Variants in PRDM16 observed in about 807,000 individuals in gnomAD.
PRDM16 encodes histone-lysine N-methyltransferase PRDM16.
A neutral mutation model predicts 110.6 loss-of-function variants in PRDM16; 23 were observed. That is an observed-to-expected ratio of 0.21 (90% CI 0.15 to 0.29). The LOEUF (loss-of-function observed/expected upper bound fraction) is 0.29. Ranked by LOEUF, PRDM16 falls within the 10% of genes least tolerant of loss-of-function variation. The pLI is 1.00. For missense variants in PRDM16, 1,615 were observed against 1,794.3 expected, an observed-to-expected ratio of 0.90 and a Z score of 1.81; for synonymous variants, 799 against 781.8, an observed-to-expected ratio of 1.02 and a Z score of -0.37.
intron 3 of PRDM16, among the ~76,000 whole-genome samples, chr1:3,250,163 T>TG (rs1639895724): frequency 7.5e-6 from 1 of 133,708 alleles, no homozygotes; most frequent in Non-Finnish European, 1.6e-5. Flanking sequence ...TCACAACTGT[T>TG]GCGGCTTGTC....
chr1:3,279,549 C>T (rs777428901), intron 3 of PRDM16, among the ~76,000 whole-genome samples: 1 of 152,250 alleles, frequency 6.6e-6, no homozygotes, highest in Admixed American at 6.5e-5. Flanking sequence ...CCCCTTGTGA[C>T]TGGGCTCTCT....
At chr1:3,162,950 T>C (rs112774773) in intron 1 of PRDM16, among the ~76,000 whole-genome samples, 195 of 93,000 alleles carry the variant, frequency 2.1e-3, no homozygotes, top group African/African-American at 8.5e-3. Context: ...CAGAAGCCCC[T>C]GGCATGGTCT....
chr1:3,141,993 TG>T (rs751375945), intron 1 of PRDM16, among the ~76,000 whole-genome samples: 1 of 152,222 alleles, frequency 6.6e-6, no homozygotes, highest in Non-Finnish European at 1.5e-5. Context: ...TCCGAAAACG[TG>T]GGGCCGCACT....
intron 14 of PRDM16, among the ~76,000 whole-genome samples, chr1:3,429,133 C>G (rs1034233150): frequency 6.6e-6 from 1 of 152,164 alleles, no homozygotes; most frequent in Non-Finnish European, 1.5e-5. Flanking sequence ...GATTCTCCCC[C>G]AGAGTCTTGG....
chr1:3,279,301 G>A (rs181709844), intron 3 of PRDM16, among the ~76,000 whole-genome samples: 6 of 152,338 alleles, frequency 3.9e-5, no homozygotes, highest in East Asian at 3.9e-4. Context: ...TGGTCAGGCC[G>A]CCTCTGCAGC....
chr1:3,192,713 G>C (rs1207565842), intron 2 of PRDM16, among the ~76,000 whole-genome samples: 5 of 152,118 alleles, frequency 3.3e-5, no homozygotes, highest in Non-Finnish European at 7.3e-5. Flanking sequence ...TGCCCAGGAG[G>C]GATTGTCGAG....
At chr1:3,170,390 C>T (rs1380859752) in intron 1 of PRDM16, among the ~76,000 whole-genome samples, 21 of 152,350 alleles carry the variant, frequency 1.4e-4, no homozygotes, top group Admixed American at 1.4e-3. Flanking sequence ...GCTCTCCCCA[C>T]CCCTCCACTG....
At position 3,434,358 on chromosome 1, in the gene PRDM16, A is replaced by C. The variant is rs1469699082; in HGVS notation, c.*547A>C. On this transcript the variant is annotated 3_prime_UTR_variant, in exon 17 of 17. Transcript: ENST00000270722. ...ACTTGCAAATTGTTTTTTAAAAGTA[A>C]TTTTGCATTGCTTTGAAATTTGAGC... is the stretch of plus-strand genomic sequence containing the variant. The C allele has an allele frequency of 4.3e-6, 1 of 232,606 alleles. No individual in the cohort carries two copies. The highest frequency in any genetic ancestry group is 8.5e-6 in the Non-Finnish European group (1 of 117,760). The allele number at this position is 232,606 out of a possible 1,614,324, so 14.4% of individuals were successfully genotyped here.
At chr1:3,137,553 C>T (rs1643464644) in intron 1 of PRDM16, among the ~76,000 whole-genome samples, 1 of 152,180 alleles carries the variant, frequency 6.6e-6, no homozygotes, top group Admixed American at 6.5e-5. Context: ...GTGGCAAGGT[C>T]CCGAAGAACC....
chr1:3,195,494 A>G (rs888042119), intron 2 of PRDM16, among the ~76,000 whole-genome samples: 1 of 152,202 alleles, frequency 6.6e-6, no homozygotes, highest in African/African-American at 2.4e-5. Flanking sequence ...TCACAAGCGA[A>G]AAAGGAAATA....
intron 1 of PRDM16, among the ~76,000 whole-genome samples, chr1:3,181,888 AGTCTTACACACG>A (rs1292102408): frequency 6.6e-5 from 6 of 91,262 alleles, no homozygotes; most frequent in South Asian, 7.7e-4. Flanking sequence ...TTGCACACGC[AGTCTTACACACG>A]GTCTTACACA....
chr1:3,073,944 C>A lies in PRDM16; in HGVS notation c.37+4648C>A, dbSNP rs531620208. On this transcript the variant is annotated intron_variant, in intron 1 of 16. Transcript: ENST00000270722. ...GGGACACCGTGGGCGCCAGGCCCCCCGCTTGCCTGGGTTCCCTGCGACATC... is the reference window on the plus strand; with the variant it reads ...GGGACACCGTGGGCGCCAGGCCCCCAGCTTGCCTGGGTTCCCTGCGACATC... 3.7e-3 allele frequency among the ~76,000 whole-genome samples: 559 copies of A among 152,302 alleles called. 4 individuals carry two copies. Among genetic ancestry groups the A allele is most frequent in the African/African-American group, 0.012 (514 of 41,578 alleles).
rs575276218 is a variant in PRDM16, at chr1:3,145,746, T to G, written c.38-40379T>G. Among the ~76,000 whole-genome samples the G allele has an allele frequency of 2.6e-5, 4 of 152,354 alleles. No homozygotes were observed. In the East Asian group the frequency reaches 7.7e-4, roughly 29 times the overall value. Reference sequence around the variant, plus strand: ...AGCGCTCTGGCTGGGCTATCAGCTATGCAGACAGTGAGGTCATTCCTGCCC... The same window carrying G: ...AGCGCTCTGGCTGGGCTATCAGCTAGGCAGACAGTGAGGTCATTCCTGCCC... On this transcript the variant is annotated intron_variant, in intron 1 of 16. Coordinates refer to ENST00000270722, the MANE Select transcript of PRDM16 (RefSeq NM_022114.4).
At chr1:3,363,601 T>A (rs1011213469) in intron 3 of PRDM16, among the ~76,000 whole-genome samples, 3 of 152,130 alleles carry the variant, frequency 2.0e-5, no homozygotes, top group African/African-American at 7.2e-5. Flanking sequence ...CCTGCCTTGA[T>A]TTCATGAGCA....
At chr1:3,144,810 C>T (rs1643615166) in intron 1 of PRDM16, among the ~76,000 whole-genome samples, 1 of 152,204 alleles carries the variant, frequency 6.6e-6, no homozygotes, top group Non-Finnish European at 1.5e-5. Context: ...GACCAGAAAG[C>T]AGAGATACAC....
chr1:3,160,567 AAC>A (rs1208487730), intron 1 of PRDM16, among the ~76,000 whole-genome samples: 1 of 152,152 alleles, frequency 6.6e-6, no homozygotes, highest in Non-Finnish European at 1.5e-5. Context: ...CACAGAGAAC[AAC>A]ACAGTCTCCT....
In PRDM16 at chr1:3,157,422, TAAAAA is replaced by T. The variant is rs34858929; in HGVS notation, c.38-28687_38-28683del. ...GCTCCCAGGCCTTTTGCGATCCCAT[TAAAAA>T]AAAAAAAAAAAAAAACACCTTTGTG... On this transcript the variant is annotated intron_variant, in intron 1 of 16. Transcript: ENST00000270722. This position sits in a 1 kb window ranked among gnomAD's most constrained non-coding sequence, Gnocchi z 4.8. 2.5e-5 allele frequency among the ~76,000 whole-genome samples: 3 copies of T among 122,176 alleles called. No homozygotes were observed. Among genetic ancestry groups the T allele is most frequent in the East Asian group, 2.3e-4 (1 of 4,328 alleles). 80.2% of individuals were successfully genotyped at this position (122,176 alleles called of 152,430 possible). A position where few individuals can be genotyped will look rare whatever the true frequency, so the allele number is the denominator to read the frequency against.
chr1:3,165,697 G>T (rs1304229258), intron 1 of PRDM16, among the ~76,000 whole-genome samples: 41 of 60,728 alleles, frequency 6.8e-4, no homozygotes, highest in African/African-American at 3.4e-3. Flanking sequence ...CCAGGGACAG[G>T]GACTCACCTG....
rs1043747428 is a variant in PRDM16, at chr1:3,417,915, C to A, written c.2779C>A (p.His927Asn). The A allele has an allele frequency of 6.2e-6, 10 of 1,612,262 alleles. No individual in the cohort carries two copies. In the African/African-American group the frequency reaches 8.0e-5, roughly 13 times the overall value. Residue 927 changes from histidine (H) to asparagine (N), a missense_variant, in exon 11 of 17, where the codon CAC becomes AAC. By Grantham distance (68) the His-to-Asn change is moderately conservative. Transcript: ENST00000270722. ...DSGSSLQPLPHHPFNFRSPPP... is the reference protein window; with the variant it reads ...DSGSSLQPLPNHPFNFRSPPP... ...GGGCAGCTCCCTGCAGCCCCTCCCCCACCACCCCTTCAACTTCCGGTCCCC... is the reference window on the plus strand; with the variant it reads ...GGGCAGCTCCCTGCAGCCCCTCCCCAACCACCCCTTCAACTTCCGGTCCCC...
Sources: gnomAD v4.1 joint callset for allele counts (sites outside exome capture counted in the v4.1 genomes callset) on GRCh38, gnomAD v4.1.1 for gene constraint, Gnocchi (gnomAD v3.1) non-coding constraint, MANE v1.5 for transcripts, NCBI Gene and HGNC (gene_info 2026-07-23, HGNC 2026-07-21) for gene names.